GLYAT: variants seen among roughly 807,000 people sequenced by gnomAD.
GLYAT encodes the protein glycine N-acyltransferase.
In GLYAT, 25 loss-of-function variants were observed where a neutral mutation model predicts 22.8. The ratio of observed to expected loss-of-function variants is 1.09; its 90% confidence interval spans 0.80 to 1.53. The LOEUF (loss-of-function observed/expected upper bound fraction) is 1.53. Among genes scored for constraint, GLYAT ranks in the 40% most tolerant of loss-of-function variants. The probability of loss-of-function intolerance (pLI) is 0.00; values close to 1 mark genes in which losing one functional copy is unlikely to be tolerated. For missense variants in GLYAT, 411 were observed against 353.9 expected, an observed-to-expected ratio of 1.16 and a Z score of -1.29; for synonymous variants, 140 against 122.7, an observed-to-expected ratio of 1.14 and a Z score of -0.93.
intron 4 of GLYAT, among the ~76,000 whole-genome samples, chr11:58,712,196 T>C (rs989118348): frequency 6.6e-6 from 1 of 152,260 alleles, no homozygotes; most frequent in Non-Finnish European, 1.5e-5. Flanking sequence ...CTAAGTATTA[T>C]GCTAAGCACT....
At chr11:58,718,078 T>C (rs1487666425) in intron 2 of GLYAT, among the ~76,000 whole-genome samples, 1 of 152,050 alleles carries the variant, frequency 6.6e-6, no homozygotes, top group Non-Finnish European at 1.5e-5. Flanking sequence ...TGGACATTTT[T>C]TTCAAGGGCT....
At chr11:58,711,031 C>T (rs947559144) in intron 4 of GLYAT, among the ~76,000 whole-genome samples, 1 of 152,174 alleles carries the variant, frequency 6.6e-6, no homozygotes, top group African/African-American at 2.4e-5. Context: ...TAGATAACTG[C>T]TAGAAGATAA....
intron 2 of GLYAT, among the ~76,000 whole-genome samples, chr11:58,721,026 A>G (rs922679474): frequency 1.3e-5 from 2 of 151,968 alleles, no homozygotes; most frequent in Non-Finnish European, 2.9e-5. Context: ...CTTTAAGTCA[A>G]TTAATTAGAA....
intron 2 of GLYAT, among the ~76,000 whole-genome samples, chr11:58,719,784 C>G (rs887713158): frequency 2.0e-5 from 3 of 151,966 alleles, no homozygotes; most frequent in Admixed American, 2.0e-4. Context: ...AAAGCATATA[C>G]AGGAAGATAC....
At chr11:58,729,054 C>G (rs1378037317) in intron 1 of GLYAT, among the ~76,000 whole-genome samples, 1 of 152,082 alleles carries the variant, frequency 6.6e-6, no homozygotes, top group East Asian at 1.9e-4. Flanking sequence ...TACCTTAATA[C>G]CTTAGCCCAT....
chr11:58,711,271 T>G (rs1856613573), intron 4 of GLYAT, among the ~76,000 whole-genome samples: 1 of 152,162 alleles, frequency 6.6e-6, no homozygotes, highest in Non-Finnish European at 1.5e-5. Context: ...TTGGGACAAA[T>G]GCAGAATGTG....
At chr11:58,717,270 T>A (rs547009335) in intron 2 of GLYAT, among the ~76,000 whole-genome samples, 1 of 152,030 alleles carries the variant, frequency 6.6e-6, no homozygotes, top group Non-Finnish European at 1.5e-5. Flanking sequence ...GATGGGTAGG[T>A]CCCAAAATCT....
intron 2 of GLYAT, among the ~76,000 whole-genome samples, chr11:58,721,225 G>A (rs1482832002): frequency 1.3e-5 from 2 of 151,702 alleles, no homozygotes; most frequent in Non-Finnish European, 2.9e-5. Flanking sequence ...CAGAAAAATA[G>A]CCTTAAATTT....
At chr11:58,721,000 A>G (rs866110841) in intron 2 of GLYAT, among the ~76,000 whole-genome samples, 2 of 152,046 alleles carry the variant, frequency 1.3e-5, no homozygotes, top group African/African-American at 4.8e-5. Context: ...ATCGCATTTA[A>G]GCACTTTTGT....
chr11:58,724,662 G>C (rs571989637), intron 1 of GLYAT, among the ~76,000 whole-genome samples, 151 bp from the exon 2 acceptor site: 1 of 151,804 alleles, frequency 6.6e-6, no homozygotes. Flanking sequence ...AATGAGACTC[G>C]TAGAAAACAC....
At chr11:58,722,507 G>A (rs189213792) in intron 2 of GLYAT, among the ~76,000 whole-genome samples, 1 of 152,060 alleles carries the variant, frequency 6.6e-6, no homozygotes, top group Non-Finnish European at 1.5e-5. Flanking sequence ...TTGAAGCAAT[G>A]GCAGGAAGAC....
intron 2 of GLYAT, among the ~76,000 whole-genome samples, chr11:58,720,637 A>T (rs1162734947): frequency 6.6e-6 from 1 of 152,012 alleles, no homozygotes; most frequent in African/African-American, 2.4e-5. Flanking sequence ...GACTGCCTAA[A>T]CCCACAGGAT....
At chr11:58,731,800 T>A (rs972120459) in intron 1 of GLYAT, 35 bp downstream of exon 1, 2 of 152,170 alleles carry the variant, frequency 1.3e-5, no homozygotes, top group Non-Finnish European at 2.9e-5. Flanking sequence ...GACTTGTTCA[T>A]CCTATGTATC....
chr11:58,716,594 T>C (rs1856683408), intron 2 of GLYAT, among the ~76,000 whole-genome samples: 1 of 152,164 alleles, frequency 6.6e-6, no homozygotes, highest in South Asian at 2.1e-4. Context: ...ATTTACACTA[T>C]AATATTATCC....
intron 4 of GLYAT, 46 bp from the exon 5 acceptor site, chr11:58,710,807 A>T (rs766411457): frequency 8.4e-7 from 1 of 1,184,956 alleles, no homozygotes; most frequent in East Asian, 2.3e-5. Flanking sequence ...GGTATATTCT[A>T]GACTGAAGTT....
chr11:58,724,758 A>T (rs1434363170), intron 1 of GLYAT, among the ~76,000 whole-genome samples: 3 of 152,120 alleles, frequency 2.0e-5, no homozygotes. Context: ...TTTAAAAAGT[A>T]CATTTTTAAA....
intron 4 of GLYAT, 136 bp from the exon 5 acceptor site, chr11:58,710,897 A>G (rs578203525): frequency 3.5e-6 from 2 of 572,712 alleles, no homozygotes; most frequent in Admixed American, 3.0e-5. Flanking sequence ...TGTGTGACCC[A>G]TGTCAATAGT....
chr11:58,723,789 A>G (rs1856781147), intron 2 of GLYAT, among the ~76,000 whole-genome samples: 1 of 151,700 alleles, frequency 6.6e-6, no homozygotes, highest in Non-Finnish European at 1.5e-5. Context: ...ATATATATCC[A>G]TTTATATATA....
chr11:58,721,735 G>T (rs1428065605), intron 2 of GLYAT, among the ~76,000 whole-genome samples: 2 of 151,946 alleles, frequency 1.3e-5, no homozygotes, highest in East Asian at 1.9e-4. Context: ...CTTTCAGTTT[G>T]GTCTGGCTGG....
Sources: allele counts gnomAD v4.1 joint callset (sites outside exome capture counted in the v4.1 genomes callset), GRCh38; gene constraint gnomAD v4.1.1; transcripts MANE v1.5; gene names NCBI Gene and HGNC (gene_info 2026-07-23, HGNC 2026-07-21).